Variants in TMEM178B observed in about 807,000 individuals in gnomAD.
TMEM178B encodes transmembrane protein 178B.
TMEM178B carries 5 observed loss-of-function variants against 31.0 expected under a neutral mutation model. That is an observed-to-expected ratio of 0.16 (90% confidence interval 0.08 to 0.34). The LOEUF (loss-of-function observed/expected upper bound fraction) is 0.34, where lower values mean the gene tolerates loss of function less well. Ranked by LOEUF, TMEM178B falls within the 10% of genes least tolerant of loss-of-function variation. The probability of loss-of-function intolerance (pLI) is 1.00; values close to 1 mark genes in which losing one functional copy is unlikely to be tolerated. For synonymous variants in TMEM178B, 164 were observed against 164.0 expected (o/e 1.00, Z 0.00); for missense variants, 275 against 400.3 (o/e 0.69, Z 2.67).
At chr7:141,255,050 C>T (rs1563132954) in intron 2 of TMEM178B, among the ~76,000 whole-genome samples, 1 of 152,172 alleles carries the variant, frequency 6.6e-6, no homozygotes, top group Non-Finnish European at 1.5e-5. Context: ...TGAAACACAA[C>T]TAAGAAGGAA....
intron 2 of TMEM178B, among the ~76,000 whole-genome samples, chr7:141,375,862 G>C (rs1363666703): frequency 6.6e-6 from 1 of 152,128 alleles, no homozygotes; most frequent in Admixed American, 6.5e-5. Flanking sequence ...AAACAGAGAG[G>C]GCAAGCCTTG....
At chr7:141,326,245 T>C (rs1799187905) in intron 2 of TMEM178B, among the ~76,000 whole-genome samples, 1 of 152,220 alleles carries the variant, frequency 6.6e-6, no homozygotes, top group African/African-American at 2.4e-5. Context: ...TTCTTTTTTA[T>C]CTTGCTTTCT....
intron 1 of TMEM178B, among the ~76,000 whole-genome samples, chr7:141,086,243 G>A (rs1026255670): frequency 6.6e-6 from 1 of 152,082 alleles, no homozygotes; most frequent in Non-Finnish European, 1.5e-5. Flanking sequence ...TGTTGGCCAG[G>A]CTGGTCTCGA....
chr7:141,495,806 C>A, the TMEM178B span, among the ~76,000 whole-genome samples: 1 of 152,194 alleles, frequency 6.6e-6, no homozygotes, highest in African/African-American at 2.4e-5. Context: ...AAGCAAAAAA[C>A]ACCAGACATG....
rs183799574 is a variant in TMEM178B at position 141,092,154 on chromosome 7, C to T, written c.382+17462C>T. ...CAGACCGAGAAAGACAGGATTAGTT[C>T]CCTTGGCCTCAAATATTTCTTGATT... On this transcript the variant is annotated intron_variant, in intron 1 of 3. Coordinates refer to ENST00000565468, the MANE Select transcript of TMEM178B (RefSeq NM_001195278.2). Among the ~76,000 whole-genome samples, 140 of 152,238 alleles carry T rather than the reference C, an allele frequency of 9.2e-4. 2 individuals are homozygous for T. In the Middle Eastern group the frequency reaches 0.017, roughly 18 times the overall value.
chr7:141,332,367 A>G (rs1300228816), intron 2 of TMEM178B, among the ~76,000 whole-genome samples: 3 of 152,204 alleles, frequency 2.0e-5, no homozygotes, highest in African/African-American at 7.2e-5. Context: ...TGTTAACATC[A>G]TATGGTTCAT....
chr7:141,247,733 G>A (rs912873097), intron 2 of TMEM178B, among the ~76,000 whole-genome samples: 1 of 152,186 alleles, frequency 6.6e-6, no homozygotes, highest in African/African-American at 2.4e-5. Context: ...TGATTGTCAG[G>A]TAATGTAGGA....
intron 2 of TMEM178B, among the ~76,000 whole-genome samples, chr7:141,345,564 A>T (rs905351738): frequency 3.9e-5 from 6 of 152,172 alleles, no homozygotes; most frequent in African/African-American, 1.2e-4. Flanking sequence ...GGGTCATGTT[A>T]TCCTTGTTAT....
At chr7:141,228,638 C>A (rs901107634) in intron 2 of TMEM178B, among the ~76,000 whole-genome samples, 1 of 152,188 alleles carries the variant, frequency 6.6e-6, no homozygotes, top group Non-Finnish European at 1.5e-5. Flanking sequence ...TCCAGTGCAG[C>A]CTCATAACAG....
intron 1 of TMEM178B, among the ~76,000 whole-genome samples, chr7:141,206,027 T>A (rs1389543628): frequency 6.6e-6 from 1 of 152,224 alleles, no homozygotes; most frequent in Non-Finnish European, 1.5e-5. Flanking sequence ...GTTTATAGCA[T>A]GATGCAAACA....
intron 1 of TMEM178B, among the ~76,000 whole-genome samples, chr7:141,158,818 A>G (rs1796118920): frequency 1.3e-5 from 2 of 152,136 alleles, no homozygotes; most frequent in Admixed American, 6.5e-5. Context: ...ACAAGCCTGC[A>G]TGCTTCAGTA....
At chr7:141,445,714 C>T (rs913071440) in intron 3 of TMEM178B, among the ~76,000 whole-genome samples, 1 of 152,136 alleles carries the variant, frequency 6.6e-6, no homozygotes, top group African/African-American at 2.4e-5. Flanking sequence ...ATAAATGGTG[C>T]TGTTACTGTT....
chr7:141,255,577 G>A (rs989882572), intron 2 of TMEM178B, among the ~76,000 whole-genome samples: 13 of 151,722 alleles, frequency 8.6e-5, no homozygotes, highest in African/African-American at 3.2e-4. Context: ...TAAAGTATAA[G>A]GACAATCTCA....
At chr7:141,228,189 G>A (rs1431307807) in intron 2 of TMEM178B, among the ~76,000 whole-genome samples, 1 of 152,000 alleles carries the variant, frequency 6.6e-6, no homozygotes, top group African/African-American at 2.4e-5. Flanking sequence ...CTTTGATTAT[G>A]ATCATTAATC....
the TMEM178B span, among the ~76,000 whole-genome samples, chr7:141,491,770 G>T: frequency 1.3e-5 from 2 of 152,096 alleles, no homozygotes; most frequent in Admixed American, 6.5e-5. Context: ...TTGTATATCG[G>T]TTTTTTCCCT....
At chr7:141,345,486 A>G (rs934326990) in intron 2 of TMEM178B, among the ~76,000 whole-genome samples, 1 of 152,158 alleles carries the variant, frequency 6.6e-6, no homozygotes, top group Non-Finnish European at 1.5e-5. Flanking sequence ...TTGCCAAGCT[A>G]CAGTAAAGAT....
At chr7:141,499,545 G>A in the TMEM178B span, among the ~76,000 whole-genome samples, 5 of 151,846 alleles carry the variant, frequency 3.3e-5, no homozygotes, top group Non-Finnish European at 7.4e-5. Context: ...AGGCTGAGGT[G>A]GGAGGATTGC....
At chr7:141,082,568 A>G (rs1299982828) in intron 1 of TMEM178B, among the ~76,000 whole-genome samples, 1 of 152,274 alleles carries the variant, frequency 6.6e-6, no homozygotes, top group Non-Finnish European at 1.5e-5. Context: ...TCTCCTCCTC[A>G]ATCATCCTAA....
intron 1 of TMEM178B, among the ~76,000 whole-genome samples, chr7:141,194,966 C>T (rs1796220986): frequency 6.6e-6 from 1 of 152,180 alleles, no homozygotes. Flanking sequence ...ACCTGTACAT[C>T]AACCACAGCT....
Sources: allele counts gnomAD v4.1 joint callset (sites outside exome capture counted in the v4.1 genomes callset), GRCh38; gene constraint gnomAD v4.1.1; transcripts MANE v1.5; gene names NCBI Gene and HGNC (gene_info 2026-07-23, HGNC 2026-07-21).